The following KPNA4 variants were observed in gnomAD, a reference collection of about 807,000 sequenced individuals.
KPNA4 encodes the protein importin subunit alpha-3.
A neutral mutation model predicts 71.3 loss-of-function variants in KPNA4; 13 were observed. The ratio of observed to expected loss-of-function variants is 0.18; its 90% CI spans 0.12 to 0.29. The LOEUF is 0.29. Among genes scored for constraint, KPNA4 ranks in the 10% least tolerant of loss-of-function variants. KPNA4 has a pLI of 1.00. For missense variants in KPNA4, 334 were observed against 603.2 expected (o/e 0.55, Z 4.67); for synonymous variants, 189 against 195.2 (o/e 0.97, Z 0.26).
In KPNA4 at chr3:160,497,215, T is replaced by C. The variant is rs190260562; in HGVS notation, c.*4889A>G. ...AGATCATTTGCGGTCAGGATTCCAA[T>C]ACCAGCCTGGCCAATACGGTGAAAC... is the stretch of plus-strand genomic sequence containing the variant. On this transcript the variant is annotated 3_prime_UTR_variant, in exon 17 of 17. Coordinates refer to ENST00000334256, the MANE Select transcript of KPNA4 (RefSeq NM_002268.5). 1 of 152,294 alleles carries C rather than the reference T, an allele frequency of 6.6e-6. No homozygotes were observed. Among genetic ancestry groups the C allele is most frequent in the Admixed American group, 6.5e-5 (1 of 15,292 alleles). 9.4% of individuals were successfully genotyped at this position (152,294 alleles called of 1,614,324 possible). A position where few individuals can be genotyped will look rare whatever the true frequency, so the allele number is the denominator to read the frequency against.
At chr3:160,520,377 G>A (rs1024004122) in intron 11 of KPNA4, among the ~76,000 whole-genome samples, 5 of 151,096 alleles carry the variant, frequency 3.3e-5, no homozygotes, top group Admixed American at 6.6e-5. Flanking sequence ...TCAGCCTCCC[G>A]AGTAGCTAGG....
intron 1 of KPNA4, among the ~76,000 whole-genome samples, chr3:160,549,002 T>C (rs2108558661): frequency 6.6e-6 from 1 of 152,370 alleles, no homozygotes; most frequent in South Asian, 2.1e-4. Flanking sequence ...GGAGATGGTA[T>C]AGTTGCTTTG....
At chr3:160,542,704 G>T (rs1721823040) in intron 1 of KPNA4, among the ~76,000 whole-genome samples, 1 of 152,108 alleles carries the variant, frequency 6.6e-6, no homozygotes, top group African/African-American at 2.4e-5. Context: ...TTCTCAAGCA[G>T]AATCAAGTTC....
chr3:160,519,199 A>G (rs140717164), intron 11 of KPNA4, among the ~76,000 whole-genome samples: 246 of 152,340 alleles, frequency 1.6e-3, no homozygotes, highest in African/African-American at 5.7e-3. Context: ...TAGACAATCC[A>G]TGAACATGAA....
At chr3:160,559,647 G>A (rs1435222103) in intron 1 of KPNA4, among the ~76,000 whole-genome samples, 2 of 151,962 alleles carry the variant, frequency 1.3e-5, no homozygotes, top group Non-Finnish European at 2.9e-5. Flanking sequence ...GCAGAATTAC[G>A]GTGTAGTATC....
At chr3:160,527,415 G>T (rs1721479555) in intron 8 of KPNA4, among the ~76,000 whole-genome samples, 1 of 152,114 alleles carries the variant, frequency 6.6e-6, no homozygotes, top group Non-Finnish European at 1.5e-5. Context: ...ACTGTCAAAA[G>T]GCTATGGTTA....
chr3:160,507,499 C>CT (rs1721010636), intron 15 of KPNA4, among the ~76,000 whole-genome samples: 1 of 49,484 alleles, frequency 2.0e-5, no homozygotes, highest in Non-Finnish European at 4.6e-5. Flanking sequence ...GACACTGTCT[C>CT]AAAAAAAAAA....
chr3:160,520,256 C>CT (rs540891880), intron 11 of KPNA4, among the ~76,000 whole-genome samples: 6,226 of 144,890 alleles, frequency 0.043, 178 homozygotes, highest in Middle Eastern at 0.079. Context: ...ATTGTTTTTT[C>CT]TTTTTTTTTT....
At chr3:160,503,913 T>C (rs1395253011) in intron 16 of KPNA4, among the ~76,000 whole-genome samples, 1 of 152,086 alleles carries the variant, frequency 6.6e-6, no homozygotes, top group Non-Finnish European at 1.5e-5. Context: ...GGAGACCTTG[T>C]CTCTACAAAA....
Position 160,543,569 on chromosome 3 carries a change from G to A in KPNA4, c.70-6729C>T, listed in dbSNP as rs138714858. 3.9e-5 allele frequency among the ~76,000 whole-genome samples: 6 copies of A among 152,208 alleles called. No individual in the cohort carries two copies. The South Asian group carries it at 6.2e-4, about 16-fold the overall frequency. ...GCTAGTCTCGAACTCCTGACCTCAC[G>A]TGAATCACCCACCTTGGCCTCCCAA... On this transcript the variant is annotated intron_variant, in intron 1 of 16. Coordinates refer to ENST00000334256, the MANE Select transcript of KPNA4 (RefSeq NM_002268.5).
intron 1 of KPNA4, among the ~76,000 whole-genome samples, chr3:160,543,493 T>C (rs1043891359): frequency 1.3e-5 from 2 of 151,898 alleles, no homozygotes; most frequent in African/African-American, 2.4e-5. Context: ...CCACCAAGCC[T>C]GGCTAATTTT....
At chr3:160,548,677 T>C (rs1025221276) in intron 1 of KPNA4, among the ~76,000 whole-genome samples, 2 of 152,210 alleles carry the variant, frequency 1.3e-5, no homozygotes, top group Non-Finnish European at 2.9e-5. Flanking sequence ...TACATACACA[T>C]TTTATCTATC....
At position 160,498,598 on chromosome 3, in the gene KPNA4, G is replaced by A. The variant is rs1170250366; in HGVS notation, c.*3506C>T. 6.6e-6 allele frequency: 1 copy of A among 152,182 alleles called. No homozygotes were observed. Among genetic ancestry groups the A allele is most frequent in the Admixed American group, 6.5e-5 (1 of 15,280 alleles). The allele number at this position is 152,182 out of a possible 1,614,324, so 9.4% of individuals were successfully genotyped here. On this transcript the variant is annotated 3_prime_UTR_variant, in exon 17 of 17. Transcript: ENST00000334256. ...TGGGTAGGTGGCCTGATCTAATCAG[G>A]TGAGACCTTTAAAAAAGCGCTTAAG...
chr3:160,509,911 T>C (rs758583259), intron 13 of KPNA4, 40 bp from the exon 14 acceptor site: 88 of 1,274,778 alleles, frequency 6.9e-5, no homozygotes, highest in Non-Finnish European at 9.1e-5. Context: ...AATTGCCACA[T>C]AGAGTAAACT....
At chr3:160,559,163 A>C (rs1327150775) in intron 1 of KPNA4, among the ~76,000 whole-genome samples, 1 of 152,164 alleles carries the variant, frequency 6.6e-6, no homozygotes, top group African/African-American at 2.4e-5. Flanking sequence ...TGGTTGGAAG[A>C]TGTTTTCACA....
In KPNA4 at chr3:160,507,976, A is replaced by G. The variant is rs1721020056; in HGVS notation, c.1372+131T>C. 4.4e-6 allele frequency: 3 copies of G among 687,676 alleles called. No homozygotes were observed. In the East Asian group the frequency reaches 8.9e-5, roughly 20 times the overall value. The allele number at this position is 687,676 out of a possible 1,614,324, so 42.6% of individuals were successfully genotyped here. ...CTGAGCAGGACTGCACATATAGAAT[A>G]CAATATTTACTTTATTCTGTTACTT... On this transcript the variant is annotated intron_variant, in intron 15 of 16. Transcript: ENST00000334256.
chr3:160,508,042 C>T (rs914149814), intron 15 of KPNA4, 65 bp downstream of exon 15: 30 of 1,246,466 alleles, frequency 2.4e-5, no homozygotes, highest in South Asian at 9.1e-5. Flanking sequence ...CTATATTAGT[C>T]GGCAAATAAA....
At chr3:160,557,565 T>C (rs1006352696) in intron 1 of KPNA4, among the ~76,000 whole-genome samples, 2 of 152,168 alleles carry the variant, frequency 1.3e-5, no homozygotes, top group Non-Finnish European at 2.9e-5. Flanking sequence ...TTAGTTAAAA[T>C]CTAATTTACA....
intron 1 of KPNA4, among the ~76,000 whole-genome samples, chr3:160,555,728 G>A (rs1009306055): frequency 5.3e-5 from 8 of 152,030 alleles, no homozygotes; most frequent in Admixed American, 2.6e-4. Context: ...ATTTTATAGC[G>A]GAACAATACT....
Sources: gnomAD v4.1 joint callset for allele counts (sites outside exome capture counted in the v4.1 genomes callset) on GRCh38, gnomAD v4.1.1 for gene constraint, MANE v1.5 for transcripts, NCBI Gene and HGNC (gene_info 2026-07-23, HGNC 2026-07-21) for gene names.